The following SEC22A variants were observed in gnomAD, a reference collection of about 807,000 sequenced individuals.
The protein encoded by SEC22A is SEC22 homolog A, vesicle trafficking protein.
In SEC22A, 22 loss-of-function variants were observed where a neutral mutation model predicts 35.3. That is an observed-to-expected ratio of 0.62 (90% CI 0.45 to 0.89). The LOEUF (loss-of-function observed/expected upper bound fraction) is 0.89. SEC22A is among the 40% of genes least tolerant of loss of function. SEC22A has a pLI of 0.00. For synonymous variants in SEC22A, 119 were observed against 129.5 expected (o/e 0.92, Z 0.55); for missense variants, 354 against 362.5 (o/e 0.98, Z 0.19).
chr3:123,248,909 T>G (rs964153002), intron 5 of SEC22A, among the ~76,000 whole-genome samples: 2 of 152,184 alleles, frequency 1.3e-5, no homozygotes, highest in African/African-American at 4.8e-5. Flanking sequence ...CAAATCACTT[T>G]TAACACTATC....
intron 4 of SEC22A, among the ~76,000 whole-genome samples, chr3:123,245,391 C>G (rs1937557912): frequency 6.6e-6 from 1 of 152,168 alleles, no homozygotes; most frequent in Non-Finnish European, 1.5e-5. Context: ...AGTTACATGT[C>G]TTTGTTAAAA....
intron 2 of SEC22A, among the ~76,000 whole-genome samples, chr3:123,212,117 A>G (rs1452481530): frequency 1.3e-5 from 2 of 152,098 alleles, no homozygotes; most frequent in South Asian, 2.1e-4. Flanking sequence ...TGGAGATGGG[A>G]TAGAGATTTT....
chr3:123,233,015 G>A (rs1042935936), intron 4 of SEC22A, among the ~76,000 whole-genome samples: 22 of 151,986 alleles, frequency 1.4e-4, no homozygotes, highest in African/African-American at 3.6e-4. Flanking sequence ...GTGTAGTCCC[G>A]GCAACTCAGG....
chr3:123,271,894 C>T lies in SEC22A; in HGVS notation c.*172C>T. ...GTGCCTGTGAGCATGGAAGAGTCCT[C>T]TCAGAAGAATGTTGGCCATGAGACT... On this transcript the variant is annotated 3_prime_UTR_variant, in exon 7 of 7. Transcript: ENST00000492595. The T allele has an allele frequency of 1.7e-6, 1 of 580,284 alleles. No homozygotes were observed. The highest frequency in any genetic ancestry group is 2.1e-5 in the South Asian group (1 of 47,952). The allele number at this position is 580,284 out of a possible 1,614,324, so 35.9% of individuals were successfully genotyped here.
intron 1 of SEC22A, among the ~76,000 whole-genome samples, chr3:123,202,753 T>G (rs1936772165): frequency 6.6e-6 from 1 of 152,176 alleles, no homozygotes; most frequent in African/African-American, 2.4e-5. Context: ...GTCCCTCCTA[T>G]GCCTATTCAG....
chr3:123,204,641 T>C (rs1170634607), intron 1 of SEC22A: 1 of 152,206 alleles, frequency 6.6e-6, no homozygotes, highest in Non-Finnish European at 1.5e-5. Flanking sequence ...TTGTGGGAAT[T>C]TATTTTCCTC....
At chr3:123,225,029 A>G (rs1937196184) in intron 3 of SEC22A, 74 bp from the exon 4 acceptor site, 2 of 929,886 alleles carry the variant, frequency 2.2e-6, no homozygotes, top group Admixed American at 2.2e-5. Flanking sequence ...AATATTTACT[A>G]TCCATAAACA....
chr3:123,204,486 G>A (rs977014440), intron 1 of SEC22A, among the ~76,000 whole-genome samples: 2 of 152,170 alleles, frequency 1.3e-5, no homozygotes, highest in African/African-American at 4.8e-5. Flanking sequence ...CCACTTACAT[G>A]TTGGGCTTTG....
intron 6 of SEC22A, among the ~76,000 whole-genome samples, chr3:123,260,131 C>CAAAAAAAAAAAAAAAAAAAAA (rs533386545): frequency 2.4e-4 from 12 of 49,782 alleles, no homozygotes; most frequent in Admixed American, 3.5e-4. Flanking sequence ...GACTACATCT[C>CAAAAAAAAAAAAAAAAAAAAA]AAAAAAAAAA....
intron 4 of SEC22A, among the ~76,000 whole-genome samples, chr3:123,227,595 TAAAGTA>T (rs1298807715): frequency 1.3e-5 from 2 of 152,060 alleles, no homozygotes; most frequent in Non-Finnish European, 2.9e-5. Context: ...TCTCAGAACT[TAAAGTA>T]TAATAAAAAA....
chr3:123,254,424 A>AT (rs1462345991), intron 5 of SEC22A, among the ~76,000 whole-genome samples: 1 of 152,154 alleles, frequency 6.6e-6, no homozygotes, highest in Non-Finnish European at 1.5e-5. Flanking sequence ...AAAAATGTGT[A>AT]TTGGAACTCC....
chr3:123,212,739 G>A (rs1379505447), intron 2 of SEC22A, among the ~76,000 whole-genome samples: 1 of 151,834 alleles, frequency 6.6e-6, no homozygotes, highest in Non-Finnish European at 1.5e-5. Flanking sequence ...AAATTCAAGG[G>A]GCCAAGTAAG....
rs1938230697 is a variant in SEC22A at position 123,273,841 on chromosome 3, A to G, written c.*2119A>G. 1 of 148,770 alleles carries G rather than the reference A, an allele frequency of 6.7e-6. No individual in the cohort carries two copies. The highest frequency in any genetic ancestry group is 1.5e-5 in the Non-Finnish European group (1 of 67,530). The allele number at this position is 148,770 out of a possible 1,614,324, so 9.2% of individuals were successfully genotyped here. A position where few individuals can be genotyped will look rare whatever the true frequency, so the allele number is the denominator to read the frequency against. On this transcript the variant is annotated 3_prime_UTR_variant, in exon 7 of 7. Coordinates refer to ENST00000492595, the MANE Select transcript of SEC22A (RefSeq NM_012430.5). ...AAAGGTTTTCTAAACTAATGGTTAA[A>G]ACAGAATTTTCTTGTAAATAGGGAA...
rs1433321578 is a variant in SEC22A, at chr3:123,273,808, C to CAAAAA, written c.*2088_*2092dup. ...TGGCCAACAGAGCGAGACTCTGTCT[C>CAAAAA]AAAAAAGAAAGGTTTTCTAAACTAA... is the stretch of plus-strand genomic sequence containing the variant. On this transcript the variant is annotated 3_prime_UTR_variant, in exon 7 of 7. Coordinates refer to ENST00000492595, the MANE Select transcript of SEC22A (RefSeq NM_012430.5). 2 of 151,632 alleles carry CAAAAA rather than the reference C, an allele frequency of 1.3e-5. No individual in the cohort carries two copies. The highest frequency in any genetic ancestry group is 4.9e-5 in the African/African-American group (2 of 41,038). 9.4% of individuals were successfully genotyped at this position (151,632 alleles called of 1,614,324 possible).
At chr3:123,207,323 A>AT (rs1208755763) in intron 1 of SEC22A, among the ~76,000 whole-genome samples, 24 of 151,206 alleles carry the variant, frequency 1.6e-4, no homozygotes, top group South Asian at 4.2e-4. Flanking sequence ...TTTCTGTGGT[A>AT]TTTTTTTTTA....
intron 5 of SEC22A, among the ~76,000 whole-genome samples, chr3:123,251,638 G>A (rs1210552141): frequency 6.6e-6 from 1 of 152,212 alleles, no homozygotes; most frequent in Non-Finnish European, 1.5e-5. Flanking sequence ...TGGGGATAAT[G>A]TAGTCCACAA....
intron 2 of SEC22A, among the ~76,000 whole-genome samples, chr3:123,211,301 G>T (rs1002401216): frequency 3.3e-5 from 5 of 152,146 alleles, no homozygotes; most frequent in African/African-American, 1.2e-4. Context: ...AAGTGACCAA[G>T]CTGGATAGGA....
intron 2 of SEC22A, among the ~76,000 whole-genome samples, chr3:123,210,372 T>C (rs942742598): frequency 1.3e-5 from 2 of 152,134 alleles, no homozygotes; most frequent in African/African-American, 4.8e-5. Flanking sequence ...GATGTGAAGG[T>C]AAAAGAAGAA....
At position 123,209,249 on chromosome 3, in the gene SEC22A, G is replaced by C; in HGVS notation, c.32G>C (p.Arg11Pro). 10 of 1,613,974 alleles carry C rather than the reference G, an allele frequency of 6.2e-6. No individual in the cohort carries two copies. Among genetic ancestry groups the C allele is most frequent in the Non-Finnish European group, 8.5e-6 (10 of 1,179,942 alleles). The change falls in exon 2 of 7, where the codon CGT becomes CCT. Residue 11 changes from arginine (R) to proline (P), a missense_variant. By Grantham distance (103) the Arg-to-Pro change is moderately radical. Transcript: ENST00000492595. ...ATGATTTTATCTGCCTCAGTCATTC[G>C]TGTCAGAGATGGACTGCCACTTTCT... MSMILSASVI[R>P]VRDGLPLSAS...
Sources: gnomAD v4.1 joint callset for allele counts (sites outside exome capture counted in the v4.1 genomes callset) on GRCh38, gnomAD v4.1.1 for gene constraint, MANE v1.5 for transcripts, NCBI Gene and HGNC (gene_info 2026-07-23, HGNC 2026-07-21) for gene names.